The following AP5S1 variants were observed in gnomAD, a reference collection of about 807,000 sequenced individuals.
The protein encoded by AP5S1 is AP-5 complex subunit sigma-1.
AP5S1 carries 13 observed loss-of-function variants against 13.9 expected under a neutral mutation model. The observed-to-expected ratio is 0.94, with a 90% confidence interval of 0.61 to 1.49. The LOEUF is 1.49. Among genes scored for constraint, AP5S1 ranks in the 40% most tolerant of loss-of-function variants. The pLI is 0.00. For synonymous variants in AP5S1, 132 were observed against 121.8 expected (o/e 1.08, Z -0.55); for missense variants, 292 against 272.3 (o/e 1.07, Z -0.51).
At chr20:3,822,318 C>T (rs762744347) in intron 2 of AP5S1, 25 bp downstream of exon 2, 4 of 1,607,496 alleles carry the variant, frequency 2.5e-6, no homozygotes, top group Non-Finnish European at 3.4e-6. Context: ...CAGCCCCAGG[C>T]CTTCATTGAA....
chr20:3,823,947 G>C lies in AP5S1; in HGVS notation c.253G>C (p.Asp85His). 6.2e-7 allele frequency: 1 copy of C among 1,608,368 alleles called. No homozygotes were observed. The highest frequency in any genetic ancestry group is 8.5e-7 in the Non-Finnish European group (1 of 1,180,014). Residue 85 changes from aspartate to histidine, a missense_variant, in exon 3 of 3, where the codon GAT becomes CAT. Transcript: ENST00000615891. ...PPMDLQPQSS[D>H]EQVPLHEAPR... The stretch of plus-strand genomic sequence containing the variant: ...CATGGACCTGCAGCCGCAATCCTCA[G>C]ATGAGCAAGTGCCGCTGCACGAGGC...
At position 3,827,690 on chromosome 20, in the gene AP5S1, T is replaced by C. The variant is rs2089632513; in HGVS notation, c.*3393T>C. The C allele has an allele frequency of 6.6e-6, 1 of 151,876 alleles. No individual in the cohort carries two copies. The highest frequency in any genetic ancestry group is 2.4e-5 in the African/African-American group (1 of 41,302). The allele number at this position is 151,876 out of a possible 1,614,324, so 9.4% of individuals were successfully genotyped here. A position where few individuals can be genotyped will look rare whatever the true frequency, so the allele number is the denominator to read the frequency against. ...TCATCTTGTCTCCTTTAGGGCAGGG[T>C]GTTTTTTTCTAGCCCTGTGGTGCTG... On this transcript the variant is annotated 3_prime_UTR_variant, in exon 3 of 3. Transcript: ENST00000615891.
At position 3,828,751 on chromosome 20, in the gene AP5S1, A is replaced by C. The variant is rs939050888; in HGVS notation, c.*4454A>C. On this transcript the variant is annotated 3_prime_UTR_variant, in exon 3 of 3. Transcript: ENST00000615891. ...AAGTACTGCTGAATAGTATTCCATTATGTGGATGTACATTATCTGTTCACC... is the reference window on the plus strand; with the variant it reads ...AAGTACTGCTGAATAGTATTCCATTCTGTGGATGTACATTATCTGTTCACC... 1.3e-5 allele frequency: 2 copies of C among 152,236 alleles called. No individual in the cohort carries two copies. Among genetic ancestry groups the C allele is most frequent in the Non-Finnish European group, 2.9e-5 (2 of 68,052 alleles). The allele number at this position is 152,236 out of a possible 1,614,324, so 9.4% of individuals were successfully genotyped here. A position where few individuals can be genotyped will look rare whatever the true frequency, so the allele number is the denominator to read the frequency against.
intron 2 of AP5S1, among the ~76,000 whole-genome samples, chr20:3,823,023 C>T (rs113315818): frequency 7.2e-6 from 1 of 138,622 alleles, no homozygotes; most frequent in Non-Finnish European, 1.5e-5. Context: ...TTCCCTTGTT[C>T]TTCTTATTCT....
At chr20:3,821,826 G>T (rs2089583851) in intron 1 of AP5S1, 1 of 782,352 alleles carries the variant, frequency 1.3e-6, no homozygotes, top group Non-Finnish European at 1.5e-6. Context: ...TGTAGAACTA[G>T]GTTTAGGGTG....
At position 3,824,356 on chromosome 20, in the gene AP5S1, A is replaced by G. The variant is rs548585802; in HGVS notation, c.*59A>G. ...AGAGGGTAGACACACAGCCAGATGA[A>G]GCTTGGCATCTCCCTCCTACCCAGC... On this transcript the variant is annotated 3_prime_UTR_variant, in exon 3 of 3. Transcript: ENST00000615891. 44 of 1,517,446 alleles carry G rather than the reference A, an allele frequency of 2.9e-5. No individual in the cohort carries two copies. In the South Asian group the frequency reaches 4.8e-4, roughly 17 times the overall value. The allele number at this position is 1,517,446 out of a possible 1,614,324, so 94.0% of individuals were successfully genotyped here. A position where few individuals can be genotyped will look rare whatever the true frequency, so the allele number is the denominator to read the frequency against.
At chr20:3,822,690 A>G (rs1004377455) in intron 2 of AP5S1, among the ~76,000 whole-genome samples, 2 of 152,196 alleles carry the variant, frequency 1.3e-5, no homozygotes, top group African/African-American at 4.8e-5. Context: ...CATAGCTAGA[A>G]AGTAGCAGAA....
intron 2 of AP5S1, among the ~76,000 whole-genome samples, chr20:3,822,960 C>T (rs1414903277): frequency 6.6e-6 from 1 of 152,190 alleles, no homozygotes; most frequent in Non-Finnish European, 1.5e-5. Flanking sequence ...TGGACCTCCG[C>T]ATTCTGGGTG....
At chr20:3,821,220 C>T (rs1242900477) in intron 1 of AP5S1, among the ~76,000 whole-genome samples, 1 of 152,052 alleles carries the variant, frequency 6.6e-6, no homozygotes, top group Non-Finnish European at 1.5e-5. Context: ...GAGGCCCATC[C>T]GTGTTTATTT....
intron 2 of AP5S1, among the ~76,000 whole-genome samples, chr20:3,822,607 GTTA>G (rs2089592548): frequency 6.6e-6 from 1 of 152,140 alleles, no homozygotes; most frequent in African/African-American, 2.4e-5. Context: ...GGTAGGTATA[GTTA>G]TTATCTCCAC....
intron 2 of AP5S1, among the ~76,000 whole-genome samples, chr20:3,822,852 C>T (rs1568522636): frequency 6.6e-6 from 1 of 152,142 alleles, no homozygotes; most frequent in Non-Finnish European, 1.5e-5. Context: ...GCCAGGGATC[C>T]AGATCACAGT....
intron 1 of AP5S1, 26 bp from the exon 2 acceptor site, chr20:3,822,071 CACCTT>C (rs757342276): frequency 3.9e-5 from 62 of 1,600,576 alleles, no homozygotes; most frequent in Non-Finnish European, 5.1e-5. Flanking sequence ...GGTTCACTCT[CACCTT>C]ACCAATGTCT....
At chr20:3,822,072 A>G in intron 1 of AP5S1, 30 bp from the exon 2 acceptor site, 1 of 1,600,608 alleles carries the variant, frequency 6.2e-7, no homozygotes, top group Non-Finnish European at 8.5e-7. Flanking sequence ...GTTCACTCTC[A>G]CCTTACCAAT....
Position 3,824,723 on chromosome 20 carries a change from G to A in AP5S1, c.*426G>A, listed in dbSNP as rs1253864730. 2 of 170,620 alleles carry A rather than the reference G, an allele frequency of 1.2e-5. No individual in the cohort carries two copies. Among genetic ancestry groups the A allele is most frequent in the Admixed American group, 6.0e-5 (1 of 16,730 alleles). The allele number at this position is 170,620 out of a possible 1,614,324, so 10.6% of individuals were successfully genotyped here. ...TGAGGTGGTTGGACCACCTCAGGTC[G>A]GGAGTTCAAGACCAGCCTGGCCAAC... On this transcript the variant is annotated 3_prime_UTR_variant, in exon 3 of 3. Transcript: ENST00000615891.
rs1173278697 is a variant in AP5S1 at position 3,822,218 on chromosome 20, C to T, written c.101C>T (p.Ser34Leu). The change falls in exon 2 of 3, where the codon TCA becomes TTA. Residue 34 changes from serine (S) to leucine (L), a missense_variant. Physicochemically the swap from Ser to Leu is moderately radical, Grantham distance 145 (BLOSUM62 -2). Transcript: ENST00000615891. ...TCCTGCGTCTTCGGTGCTGAGAAGT[C>T]ACCTGATGACCCACGGCCGCATGGT... ...LYSCVFGAEKSPDDPRPHGAE... is the reference protein window; with the variant it reads ...LYSCVFGAEKLPDDPRPHGAE... 1 of 1,614,206 alleles carries T rather than the reference C, an allele frequency of 6.2e-7. No homozygotes were observed. The highest frequency in any genetic ancestry group is 8.5e-7 in the Non-Finnish European group (1 of 1,180,040).
Position 3,827,474 on chromosome 20 carries a change from G to A in AP5S1, c.*3177G>A, listed in dbSNP as rs1568524879. The stretch of plus-strand genomic sequence containing the variant: ...GACGGGGTTTCACCGTGTTAGCCAG[G>A]TTGGTCTACATCTCCTGACCTTGTG... On this transcript the variant is annotated 3_prime_UTR_variant, in exon 3 of 3. Coordinates refer to ENST00000615891, the MANE Select transcript of AP5S1 (RefSeq NM_018347.3). 3 of 152,170 alleles carry A rather than the reference G, an allele frequency of 2.0e-5. No individual in the cohort carries two copies. The highest frequency in any genetic ancestry group is 2.9e-5 in the Non-Finnish European group (2 of 68,082). The allele number at this position is 152,170 out of a possible 1,614,324, so 9.4% of individuals were successfully genotyped here.
rs1473966474 is a variant in AP5S1 at position 3,824,656 on chromosome 20, G to A, written c.*359G>A. ...TCTTCCAAACCCACAGTCAAGGCCA[G>A]GCGCGGTGGCTCACGCCTGTAATCC... is the stretch of plus-strand genomic sequence containing the variant. On this transcript the variant is annotated 3_prime_UTR_variant, in exon 3 of 3. Coordinates refer to ENST00000615891, the MANE Select transcript of AP5S1 (RefSeq NM_018347.3). 7.5e-6 allele frequency: 2 copies of A among 266,052 alleles called. No homozygotes were observed. The highest frequency in any genetic ancestry group is 1.9e-4 in the East Asian group (2 of 10,572). 16.5% of individuals were successfully genotyped at this position (266,052 alleles called of 1,614,324 possible).
In AP5S1 at chr20:3,825,567, G is replaced by C. The variant is rs1000495818; in HGVS notation, c.*1270G>C. On this transcript the variant is annotated 3_prime_UTR_variant, in exon 3 of 3. Coordinates refer to ENST00000615891, the MANE Select transcript of AP5S1 (RefSeq NM_018347.3). The stretch of plus-strand genomic sequence containing the variant: ...GTCTGAGAAGCAGTGCTTGGGCTGA[G>C]AATTGGTGCGAGTGGTTTATGTGGG... 1 of 152,516 alleles carries C rather than the reference G, an allele frequency of 6.6e-6. No individual in the cohort carries two copies. The highest frequency in any genetic ancestry group is 6.5e-5 in the Admixed American group (1 of 15,304). 9.4% of individuals were successfully genotyped at this position (152,516 alleles called of 1,614,324 possible).
rs1186867998 is a variant in AP5S1, at chr20:3,825,497, C to T, written c.*1200C>T. On this transcript the variant is annotated 3_prime_UTR_variant, in exon 3 of 3. Transcript: ENST00000615891. ...CCTTTGGATGGTGGCACACATTTCT[C>T]CACCAAAGTATATGTCACAGGTGGC... 2.0e-5 allele frequency: 3 copies of T among 152,362 alleles called. No homozygotes were observed. Among genetic ancestry groups the T allele is most frequent in the African/African-American group, 7.2e-5 (3 of 41,466 alleles). The allele number at this position is 152,362 out of a possible 1,614,324, so 9.4% of individuals were successfully genotyped here.
Sources: gnomAD v4.1 joint callset for allele counts (sites outside exome capture counted in the v4.1 genomes callset) on GRCh38, gnomAD v4.1.1 for gene constraint, MANE v1.5 for transcripts, NCBI Gene and HGNC (gene_info 2026-07-23, HGNC 2026-07-21) for gene names.